ANAPC13: variants seen among roughly 807,000 people sequenced by gnomAD.
ANAPC13 encodes the protein anaphase promoting complex subunit 13, also known as anaphase-promoting complex subunit 13.
In ANAPC13, 9 loss-of-function variants were observed where a neutral mutation model predicts 9.6. The observed-to-expected ratio is 0.94, with a 90% CI of 0.57 to 1.64. ANAPC13 has a LOEUF of 1.64. Among genes scored for constraint, ANAPC13 ranks in the 40% most tolerant of loss-of-function variants. The pLI is 0.00. For synonymous variants in ANAPC13, 30 were observed against 29.7 expected (o/e 1.01, Z -0.03); for missense variants, 75 against 85.3 (o/e 0.88, Z 0.48).
At chr3:134,481,120 AG>A (rs1197179761) in intron 2 of ANAPC13, among the ~76,000 whole-genome samples, 1 of 152,186 alleles carries the variant, frequency 6.6e-6, no homozygotes, top group African/African-American at 2.4e-5. Flanking sequence ...AGACCACAAC[AG>A]CTTGCCAATT....
intron 1 of ANAPC13, chr3:134,485,607 A>G (rs1449371684): frequency 6.6e-6 from 1 of 152,174 alleles, no homozygotes; most frequent in Non-Finnish European, 1.5e-5. Context: ...ATTTCTATAT[A>G]TTACAGCTTT....
At chr3:134,483,689 T>C (rs1419633211) in intron 1 of ANAPC13, among the ~76,000 whole-genome samples, 1 of 152,150 alleles carries the variant, frequency 6.6e-6, no homozygotes, top group African/African-American at 2.4e-5. Flanking sequence ...TTTCCCTGTT[T>C]CCAAGGTTGG....
upstream of ANAPC13, chr3:134,486,009 G>A: frequency 4.1e-6 from 3 of 725,634 alleles, no homozygotes; most frequent in Non-Finnish European, 4.9e-6. Flanking sequence ...CCCCTCCCCC[G>A]CATCACGTGT....
intron 2 of ANAPC13, among the ~76,000 whole-genome samples, chr3:134,482,261 G>A (rs1330428494): frequency 1.3e-5 from 2 of 152,124 alleles, no homozygotes; most frequent in Non-Finnish European, 2.9e-5. Flanking sequence ...TATTACATGA[G>A]GTTTAACAAA....
At chr3:134,482,393 G>C (rs1224505959) in intron 2 of ANAPC13, among the ~76,000 whole-genome samples, 1 of 152,224 alleles carries the variant, frequency 6.6e-6, no homozygotes, top group African/African-American at 2.4e-5. Context: ...TAAGATAGGT[G>C]TATGCTCCAA....
Position 134,485,935 on chromosome 3 carries a change from G to C in ANAPC13, c.-28+17C>G. 1 of 970,422 alleles carries C rather than the reference G, an allele frequency of 1.0e-6. No homozygotes were observed. Among genetic ancestry groups the C allele is most frequent in the Non-Finnish European group, 1.2e-6 (1 of 816,444 alleles). The allele number at this position is 970,422 out of a possible 1,614,324, so 60.1% of individuals were successfully genotyped here. ...CGCGCCTCCAAAACCTAGGCCGGGG[G>C]CGCTGGAAACCCTTACCGGCACCCG... On this transcript the variant is annotated intron_variant, in intron 1 of 2. Coordinates refer to ENST00000354910, the MANE Select transcript of ANAPC13 (RefSeq NM_015391.4).
chr3:134,485,991 G>GCCCCCCCCCCCCC (rs5852785), upstream of ANAPC13: 12 of 940,688 alleles, frequency 1.3e-5, 1 homozygote, highest in African/African-American at 2.1e-4. Context: ...CTCCTGCCAC[G>GCCCCCCCCCCCCC]CCCCCCCCCC....
intron 1 of ANAPC13, among the ~76,000 whole-genome samples, chr3:134,484,095 C>T (rs1934830286): frequency 6.6e-6 from 1 of 152,172 alleles, no homozygotes; most frequent in African/African-American, 2.4e-5. Flanking sequence ...AAAAATGGCT[C>T]ACAGGGCCGG....
chr3:134,478,766 T>C lies in ANAPC13; in HGVS notation c.100-51A>G, dbSNP rs1934668216. The C allele has an allele frequency of 1.9e-6, 3 of 1,600,490 alleles. No homozygotes were observed. In the East Asian group the frequency reaches 6.7e-5, roughly 36 times the overall value. On this transcript the variant is annotated intron_variant, in intron 2 of 2. Transcript: ENST00000354910. ...AACAGTAATATATTCTGCATCTTCT[T>C]GGAACTCAAGAACACTTAGAATTAA...
In ANAPC13 at chr3:134,478,513, T is replaced by C. The variant is rs1282645437; in HGVS notation, c.*77A>G. The C allele has an allele frequency of 6.5e-7, 1 of 1,529,828 alleles. No individual in the cohort carries two copies. Among genetic ancestry groups the C allele is most frequent in the Admixed American group, 2.1e-5 (1 of 47,502 alleles). 94.8% of individuals were successfully genotyped at this position (1,529,828 alleles called of 1,614,324 possible). A position where few individuals can be genotyped will look rare whatever the true frequency, so the allele number is the denominator to read the frequency against. On this transcript the variant is annotated 3_prime_UTR_variant, in exon 3 of 3. Coordinates refer to ENST00000354910, the MANE Select transcript of ANAPC13 (RefSeq NM_015391.4). ...AGTGCTGATTTATTACTCAAAGGTT[T>C]GAATTTGGAGACTGAAACAAACCAT...
chr3:134,478,579 G>A lies in ANAPC13; in HGVS notation c.*11C>T. 6.2e-7 allele frequency: 1 copy of A among 1,609,874 alleles called. No homozygotes were observed. The highest frequency in any genetic ancestry group is 8.5e-7 in the Non-Finnish European group (1 of 1,178,746). On this transcript the variant is annotated 3_prime_UTR_variant, in exon 3 of 3. Coordinates refer to ENST00000354910, the MANE Select transcript of ANAPC13 (RefSeq NM_015391.4). ...TTTGAGAAAATCCATCCACAAGAAA[G>A]GAGCCAAGCGTCAGTTTCCAATGGG...
chr3:134,482,809 T>C lies in ANAPC13; in HGVS notation c.96A>G (p.Pro32=), dbSNP rs200431775. ...DKLPYEDVAI[P]LNELPEPEQD... is the part of the protein sequence containing the mutation. ...CTCAGCTCAAATCATAACCTACCAG[T>C]GGTATTGCGACATCCTCATAAGGCA... Residue 32 remains proline (P), a synonymous_variant, in exon 2 of 3, where the codon CCA becomes CCG. Transcript: ENST00000354910. The C allele has an allele frequency of 3.1e-6, 5 of 1,613,786 alleles. No homozygotes were observed. In the East Asian group the frequency reaches 8.9e-5, roughly 29 times the overall value.
intron 2 of ANAPC13, among the ~76,000 whole-genome samples, chr3:134,482,282 CAG>C (rs757552598): frequency 2.6e-5 from 4 of 152,190 alleles, no homozygotes; most frequent in African/African-American, 7.2e-5. Context: ...CTCCCTGCAG[CAG>C]AGTTTTCCAA....
chr3:134,484,110 G>C (rs1308614829), intron 1 of ANAPC13, among the ~76,000 whole-genome samples: 1 of 152,216 alleles, frequency 6.6e-6, no homozygotes, highest in Non-Finnish European at 1.5e-5. Context: ...GGCCGGGCGC[G>C]GTGGCTCGCG....
intron 1 of ANAPC13, among the ~76,000 whole-genome samples, chr3:134,484,445 G>C (rs1344416578): frequency 6.6e-6 from 1 of 151,962 alleles, no homozygotes; most frequent in Non-Finnish European, 1.5e-5. Context: ...TAGGATAACT[G>C]CAAGATATCC....
At chr3:134,480,715 G>A (rs889523767) in intron 2 of ANAPC13, among the ~76,000 whole-genome samples, 43 of 152,200 alleles carry the variant, frequency 2.8e-4, no homozygotes, top group Admixed American at 2.4e-3. Flanking sequence ...CCAGACATGT[G>A]AGACAGTCCT....
intron 2 of ANAPC13, among the ~76,000 whole-genome samples, chr3:134,482,276 C>T (rs1438665085): frequency 6.6e-6 from 1 of 152,182 alleles, no homozygotes; most frequent in Non-Finnish European, 1.5e-5. Flanking sequence ...AACAAACTCC[C>T]TGCAGCAGAG....
upstream of ANAPC13, chr3:134,485,991 G>GCCGCCC: frequency 2.1e-6 from 2 of 938,166 alleles, no homozygotes; most frequent in African/African-American, 1.9e-5. Flanking sequence ...CTCCTGCCAC[G>GCCGCCC]CCCCCCCCCC....
At chr3:134,483,973 G>C (rs1934818123) in intron 1 of ANAPC13, among the ~76,000 whole-genome samples, 1 of 152,204 alleles carries the variant, frequency 6.6e-6, no homozygotes, top group South Asian at 2.1e-4. Flanking sequence ...ATTTGTGTCA[G>C]GTCTGTAGTT....
Sources: gnomAD v4.1 joint callset for allele counts (sites outside exome capture counted in the v4.1 genomes callset) on GRCh38, gnomAD v4.1.1 for gene constraint, MANE v1.5 for transcripts, NCBI Gene and HGNC (gene_info 2026-07-23, HGNC 2026-07-21) for gene names.